OTOP1: variants seen among roughly 807,000 people sequenced by gnomAD.
The protein encoded by OTOP1 is proton channel OTOP1.
Under a neutral mutation model 52.9 loss-of-function variants are expected in OTOP1, and 59 were observed. That is an observed-to-expected ratio of 1.12 (90% confidence interval 0.91 to 1.39). The LOEUF is 1.39. OTOP1 is among the 40% of genes most tolerant of loss of function. The probability of loss-of-function intolerance (pLI) is 0.00; values close to 1 mark genes in which losing one functional copy is unlikely to be tolerated. For missense variants in OTOP1, 761 were observed against 800.9 expected (o/e 0.95, Z 0.60); for synonymous variants, 317 against 337.7 (o/e 0.94, Z 0.67).
chr4:4,219,372 G>A (rs1193855908), intron 1 of OTOP1, among the ~76,000 whole-genome samples: 1 of 152,116 alleles, frequency 6.6e-6, no homozygotes, highest in African/African-American at 2.4e-5. Flanking sequence ...TAATAAGTAG[G>A]ATAAAGAATC....
At chr4:4,219,251 TTAACAAAG>T (rs1377697177) in intron 1 of OTOP1, among the ~76,000 whole-genome samples, 2 of 152,152 alleles carry the variant, frequency 1.3e-5, no homozygotes, top group African/African-American at 4.8e-5. Context: ...AATTGCACTT[TTAACAAAG>T]TAATAAAGGT....
chr4:4,216,917 T>C (rs576827542), intron 1 of OTOP1, among the ~76,000 whole-genome samples: 2 of 152,330 alleles, frequency 1.3e-5, no homozygotes, highest in Non-Finnish European at 2.9e-5. Context: ...CTGCAGTGCT[T>C]GTTAAAACAC....
chr4:4,196,891 T>C (rs1351895282), intron 5 of OTOP1, among the ~76,000 whole-genome samples: 3 of 152,172 alleles, frequency 2.0e-5, no homozygotes, highest in Admixed American at 6.5e-5. Context: ...ATGTCCTCTC[T>C]TATAAGTGGG....
chr4:4,218,323 C>T (rs1717192613), intron 1 of OTOP1, among the ~76,000 whole-genome samples: 2 of 147,906 alleles, frequency 1.4e-5, no homozygotes, highest in South Asian at 4.3e-4. Context: ...ACCCGGGAGG[C>T]AGAGGTTGCA....
rs758568466 is a variant in OTOP1 at position 4,197,661 on chromosome 4, C to T, written c.1173G>A (p.Ser391=). ...CCGAGGCAGTGCCCACCAAGAGGTC[C>T]GAGTCCAGTTTGCGGGCCGGATTTT... The part of the protein sequence containing the change: ...ESKNPARKLD[S]DLLVGTASGS... Residue 391 remains serine, a synonymous_variant, in exon 5 of 6, where the codon TCG becomes TCA. Coordinates refer to ENST00000296358, the MANE Select transcript of OTOP1 (RefSeq NM_177998.3). 1.5e-5 allele frequency: 24 copies of T among 1,613,472 alleles called. No individual in the cohort carries two copies. Among genetic ancestry groups the T allele is most frequent in the Non-Finnish European group, 1.6e-5 (19 of 1,179,970 alleles).
intron 1 of OTOP1, 98 bp from the exon 2 acceptor site, chr4:4,213,102 T>G (rs1282539117): frequency 9.9e-6 from 14 of 1,413,614 alleles, no homozygotes; most frequent in Non-Finnish European, 1.4e-5. Context: ...TAAACCCTTA[T>G]GTATATGGTC....
rs1378808228 is a variant in OTOP1, at chr4:4,226,488, G to A, written c.377C>T (p.Thr126Met). The change falls in exon 1 of 6, where the codon ACG becomes ATG. Residue 126 changes from threonine (T) to methionine (M), a missense_variant. Physicochemically the swap from Thr to Met is moderately conservative, Grantham distance 81 (BLOSUM62 -1). This residue lies in a region of OTOP1 where 632 missense variants were observed against 619.5 expected (regional missense o/e 1.02). Transcript: ENST00000296358. Reference protein sequence around the residue: ...AHRRLFRLKDTHAGAGWLRGS... With the variant: ...AHRRLFRLKDMHAGAGWLRGS... Reference sequence around the variant, plus strand: ...GCGCAGCCAGCCGGCACCCGCGTGCGTGTCCTTGAGGCGGAAGAGGCGGCG... The same window carrying A: ...GCGCAGCCAGCCGGCACCCGCGTGCATGTCCTTGAGGCGGAAGAGGCGGCG... The A allele has an allele frequency of 7.7e-6, 12 of 1,558,320 alleles. No homozygotes were observed. Among genetic ancestry groups the A allele is most frequent in the East Asian group, 4.8e-5 (2 of 41,266 alleles).
intron 1 of OTOP1, among the ~76,000 whole-genome samples, chr4:4,218,821 T>C (rs965386659): frequency 1.3e-5 from 2 of 151,770 alleles, no homozygotes; most frequent in African/African-American, 2.4e-5. Context: ...CCCAGCTACT[T>C]AGGAGGCTGA....
intron 4 of OTOP1, among the ~76,000 whole-genome samples, chr4:4,199,016 C>T (rs975238257): frequency 2.0e-5 from 3 of 152,042 alleles, no homozygotes; most frequent in Non-Finnish European, 4.4e-5. Context: ...CATGGCGAAA[C>T]CTCGTCTCTA....
chr4:4,205,255 C>G (rs528003708), intron 3 of OTOP1, among the ~76,000 whole-genome samples: 76 of 152,254 alleles, frequency 5.0e-4, no homozygotes, highest in Admixed American at 9.8e-4. Flanking sequence ...TTCCTTCAGT[C>G]CTTGAGGCAG....
chr4:4,194,608 T>G (rs1481551582), intron 5 of OTOP1, among the ~76,000 whole-genome samples: 2 of 152,176 alleles, frequency 1.3e-5, no homozygotes, highest in African/African-American at 4.8e-5. Flanking sequence ...TAGGGTGATA[T>G]CAAAAGCTGC....
In OTOP1 at chr4:4,188,877, G is replaced by A. The variant is rs879585365; in HGVS notation, c.1765C>T (p.Leu589=). The A allele has an allele frequency of 3.1e-6, 5 of 1,613,980 alleles. No homozygotes were observed. The highest frequency in any genetic ancestry group is 4.2e-6 in the Non-Finnish European group (5 of 1,179,858). Reference sequence around the variant, plus strand: ...TAGAAAATAGAAAAAGGCATGGCCAGGTTGACCACAATTATCCAGGGTTCA... The same window carrying A: ...TAGAAAATAGAAAAAGGCATGGCCAAGTTGACCACAATTATCCAGGGTTCA... ...GFEPWIIVVN[L]AMPFSIFYRM... is the part of the protein sequence containing the mutation. Residue 589 remains leucine, a synonymous_variant, in exon 6 of 6, where the codon CTG becomes TTG. Transcript: ENST00000296358.
chr4:4,194,694 G>A (rs533493087), intron 5 of OTOP1, among the ~76,000 whole-genome samples: 3 of 152,214 alleles, frequency 2.0e-5, no homozygotes, highest in Non-Finnish European at 4.4e-5. Flanking sequence ...ACAGAGAGCA[G>A]GCTTGATAAC....
intron 1 of OTOP1, among the ~76,000 whole-genome samples, chr4:4,223,611 T>C (rs1717352776): frequency 6.6e-6 from 1 of 152,000 alleles, no homozygotes. Flanking sequence ...ACATTCTAAA[T>C]GCACCAGGCC....
At chr4:4,211,055 C>T (rs991145937) in intron 2 of OTOP1, among the ~76,000 whole-genome samples, 4 of 152,140 alleles carry the variant, frequency 2.6e-5, no homozygotes, top group African/African-American at 9.7e-5. Flanking sequence ...GCAAGCTCCC[C>T]AGTGATCCCA....
At chr4:4,194,907 T>C (rs1234987081) in intron 5 of OTOP1, among the ~76,000 whole-genome samples, 1 of 152,202 alleles carries the variant, frequency 6.6e-6, no homozygotes, top group East Asian at 1.9e-4. Context: ...ATGCTTCTTA[T>C]TCCTTTTTCT....
In OTOP1 at chr4:4,198,025, A is replaced by G. The variant is rs755643757; in HGVS notation, c.809T>C (p.Leu270Pro). Reference sequence around the variant, plus strand: ...CTGATACTCTATGTTGAAGGGGTAGAGGTAGTAGATCCCGTGGGAGATGGC... The same window carrying G: ...CTGATACTCTATGTTGAAGGGGTAGGGGTAGTAGATCCCGTGGGAGATGGC... ...CTAISHGIYY[L>P]YPFNIEYQIL... The change falls in exon 5 of 6, where the codon CTC (leucine) becomes CCC (proline). Residue 270 changes from leucine (L) to proline (P), a missense_variant. Transcript: ENST00000296358. 1.9e-6 allele frequency: 3 copies of G among 1,614,054 alleles called. No homozygotes were observed. Among genetic ancestry groups the G allele is most frequent in the Admixed American group, 1.7e-5 (1 of 60,016 alleles).
In OTOP1 at chr4:4,202,676, T is replaced by G. The variant is rs1315437632; in HGVS notation, c.600-98A>C. The G allele has an allele frequency of 7.5e-6, 11 of 1,462,078 alleles. No homozygotes were observed. In the South Asian group the frequency reaches 9.9e-5, roughly 13 times the overall value. The allele number at this position is 1,462,078 out of a possible 1,614,324, so 90.6% of individuals were successfully genotyped here. A position where few individuals can be genotyped will look rare whatever the true frequency, so the allele number is the denominator to read the frequency against. On this transcript the variant is annotated intron_variant, in intron 3 of 5. Coordinates refer to ENST00000296358, the MANE Select transcript of OTOP1 (RefSeq NM_177998.3). ...GTGCACACAAATACATGGCTCCTTC[T>G]CAGCCATGATTCTGGTTTCACCTGG...
intron 1 of OTOP1, among the ~76,000 whole-genome samples, chr4:4,222,128 C>T (rs1036034323): frequency 3.9e-5 from 6 of 152,078 alleles, no homozygotes; most frequent in Admixed American, 1.3e-4. Flanking sequence ...CAGGATACAA[C>T]GGTAAGCACA....
Sources: gnomAD v4.1 joint callset for allele counts (sites outside exome capture counted in the v4.1 genomes callset) on GRCh38, gnomAD v4.1.1 for gene constraint, gnomAD v4.1.1 regional missense constraint, MANE v1.5 for transcripts, NCBI Gene and HGNC (gene_info 2026-07-23, HGNC 2026-07-21) for gene names.